Variants in PCDHA2 observed in about 807,000 individuals in gnomAD.
PCDHA2 encodes the protein protocadherin alpha-2.
Under a neutral mutation model 66.0 loss-of-function variants are expected in PCDHA2, and 58 were observed. The ratio of observed to expected loss-of-function variants is 0.88; its 90% confidence interval spans 0.71 to 1.09. PCDHA2 has a LOEUF of 1.09. Among genes scored for constraint, PCDHA2 ranks in the 50% least tolerant of loss-of-function variants. The pLI is 0.00. For synonymous variants in PCDHA2, 634 were observed against 554.0 expected (o/e 1.14, Z -2.03); for missense variants, 1,267 against 1,242.3 (o/e 1.02, Z -0.30).
chr5:140,951,793 C>G (rs536005204), intron 1 of PCDHA2, among the ~76,000 whole-genome samples: 1 of 152,126 alleles, frequency 6.6e-6, no homozygotes, highest in African/African-American at 2.4e-5. Flanking sequence ...ATACAATTAT[C>G]CCTTCCCAAT....
At chr5:140,883,528 C>T in intron 1 of PCDHA2, 1 of 1,614,248 alleles carries the variant, frequency 6.2e-7, no homozygotes, top group South Asian at 1.1e-5. Flanking sequence ...GCGTATCAGC[C>T]TATGAACTGG....
chr5:140,946,766 G>A (rs1554217856), intron 1 of PCDHA2, among the ~76,000 whole-genome samples: 1 of 151,394 alleles, frequency 6.6e-6, no homozygotes, highest in South Asian at 2.1e-4. Flanking sequence ...TCTCATTCAT[G>A]TGGAATGTAA....
intron 1 of PCDHA2, chr5:140,967,700 G>T: frequency 6.2e-7 from 1 of 1,614,196 alleles, no homozygotes; most frequent in Non-Finnish European, 8.5e-7. Context: ...CAGCATAGAT[G>T]CCAGTACCGG....
chr5:140,995,184 T>G (rs1382886542), intron 3 of PCDHA2, among the ~76,000 whole-genome samples: 3 of 152,168 alleles, frequency 2.0e-5, no homozygotes, highest in African/African-American at 7.2e-5. Flanking sequence ...GCACCTATGA[T>G]AAAGTTTAAT....
chr5:140,803,680 G>A, intron 1 of PCDHA2: 3 of 1,584,468 alleles, frequency 1.9e-6, no homozygotes, highest in Non-Finnish European at 2.6e-6. Flanking sequence ...TAATAGTTAA[G>A]TATGAATTAT....
chr5:140,882,539 G>C (rs1303287274), intron 1 of PCDHA2: 2 of 1,614,110 alleles, frequency 1.2e-6, no homozygotes. Context: ...TTCTCGGATC[G>C]ACCGCGAGGA....
chr5:140,836,113 TGA>T, intron 1 of PCDHA2: 1 of 1,613,528 alleles, frequency 6.2e-7, no homozygotes, highest in Non-Finnish European at 8.5e-7. Flanking sequence ...GGTGGCGCAG[TGA>T]GAGAGCTTGT....
intron 3 of PCDHA2, among the ~76,000 whole-genome samples, chr5:140,997,130 C>T (rs1480730795): frequency 6.6e-6 from 1 of 151,984 alleles, no homozygotes; most frequent in Non-Finnish European, 1.5e-5. Flanking sequence ...TACACAATGC[C>T]CCCACACCCC....
At chr5:140,926,185 GCAGCACTT>G (rs1563077744) in intron 1 of PCDHA2, among the ~76,000 whole-genome samples, 1 of 151,672 alleles carries the variant, frequency 6.6e-6, no homozygotes, top group East Asian at 1.9e-4. Flanking sequence ...AAAGCCCCCC[GCAGCACTT>G]CTTTCGGGGG....
chr5:140,823,220 A>T, intron 1 of PCDHA2: 1 of 1,613,736 alleles, frequency 6.2e-7, no homozygotes. Context: ...CGGGACGCGG[A>T]CGCGCAGGAG....
intron 1 of PCDHA2, chr5:140,862,770 G>A (rs1554156952): frequency 3.5e-6 from 2 of 576,708 alleles, no homozygotes; most frequent in Non-Finnish European, 6.7e-6. Context: ...AGAGGTACGC[G>A]TTGCAGCCAC....
chr5:140,924,096 T>C (rs1044149112), intron 1 of PCDHA2, among the ~76,000 whole-genome samples: 1 of 152,222 alleles, frequency 6.6e-6, no homozygotes, highest in Non-Finnish European at 1.5e-5. Context: ...AAAGAATAAA[T>C]TTTCATTCCA....
At chr5:140,808,559 C>G in intron 1 of PCDHA2, 2 of 1,614,116 alleles carry the variant, frequency 1.2e-6, no homozygotes, top group Non-Finnish European at 1.7e-6. Flanking sequence ...GTTCGCGCAG[C>G]CCGAGTACAC....
intron 1 of PCDHA2, among the ~76,000 whole-genome samples, chr5:140,933,506 G>A (rs2089196836): frequency 6.6e-6 from 1 of 151,944 alleles, no homozygotes; most frequent in Non-Finnish European, 1.5e-5. Flanking sequence ...GTTAAGCAAA[G>A]ACTACAGCTG....
At position 140,841,270 on chromosome 5, in the gene PCDHA2, C is replaced by A; in HGVS notation, c.2388+43918C>A. On this transcript the variant is annotated intron_variant, in intron 1 of 3. Transcript: ENST00000526136. ...GATTAAAAGACTCTGAAAGTACAGT[C>A]GTTCATCTTTATATTAAGATAATAT... 4 of 1,529,280 alleles carry A rather than the reference C, an allele frequency of 2.6e-6. No individual in the cohort carries two copies. The South Asian group carries it at 3.9e-5, about 15-fold the overall frequency. 94.7% of individuals were successfully genotyped at this position (1,529,280 alleles called of 1,614,324 possible).
At chr5:140,821,890 A>T (rs2150111663) in intron 1 of PCDHA2, 2 of 1,614,240 alleles carry the variant, frequency 1.2e-6, no homozygotes, top group Admixed American at 3.3e-5. Flanking sequence ...GGAGGAAGCC[A>T]AACACGGAAC....
At position 140,911,726 on chromosome 5, in the gene PCDHA2, G is replaced by GTTCGTGCCAAGGAC. The variant is rs372287116; in HGVS notation, c.2389-67221_2389-67208dup. On this transcript the variant is annotated intron_variant, in intron 1 of 3. Transcript: ENST00000526136. ...TTTATTTTGTGTAACTCTGTAAACAGTTCGTGCCAAGGACTATCAGTGTTC... is the reference window on the plus strand; with the variant it reads ...TTTATTTTGTGTAACTCTGTAAACAGTTCGTGCCAAGGACTTCGTGCCAAGGACTATCAGTGTTC... Among the ~76,000 whole-genome samples, 876 of 152,272 alleles carry GTTCGTGCCAAGGAC rather than the reference G, an allele frequency of 5.8e-3. 6 individuals are homozygous for GTTCGTGCCAAGGAC. The highest frequency in any genetic ancestry group is 0.018 in the African/African-American group (761 of 41,552).
At chr5:140,989,530 AG>A (rs1249109717) in intron 3 of PCDHA2, among the ~76,000 whole-genome samples, 1 of 152,200 alleles carries the variant, frequency 6.6e-6, no homozygotes, top group Non-Finnish European at 1.5e-5. Context: ...CAGAGGAGGA[AG>A]ATAGTTTGTA....
intron 1 of PCDHA2, chr5:140,841,218 C>T: frequency 7.0e-7 from 1 of 1,431,458 alleles, no homozygotes; most frequent in Non-Finnish European, 9.4e-7. Flanking sequence ...CTCTAAAGGC[C>T]GAACAACGGG....
Sources: allele counts gnomAD v4.1 joint callset (sites outside exome capture counted in the v4.1 genomes callset), GRCh38; gene constraint gnomAD v4.1.1; transcripts MANE v1.5; gene names NCBI Gene and HGNC (gene_info 2026-07-23, HGNC 2026-07-21).